TIAM1: variants seen among roughly 807,000 people sequenced by gnomAD.
The protein encoded by TIAM1 is rho guanine nucleotide exchange factor TIAM1.
TIAM1 carries 65 observed loss-of-function variants against 163.5 expected under a neutral mutation model. The ratio of observed to expected loss-of-function variants is 0.40; its 90% CI spans 0.33 to 0.49. The LOEUF (loss-of-function observed/expected upper bound fraction) is 0.49. TIAM1 is among the 20% of genes least tolerant of loss of function. The pLI, the probability that TIAM1 is intolerant of heterozygous loss-of-function variation, is 0.77. For missense variants in TIAM1, 1,789 were observed against 2,044.7 expected (o/e 0.87, Z 2.41); for synonymous variants, 833 against 810.1 (o/e 1.03, Z -0.48).
intron 2 of TIAM1, among the ~76,000 whole-genome samples, chr21:31,421,387 A>C (rs1350533022): frequency 6.6e-6 from 1 of 152,138 alleles, no homozygotes; most frequent in Non-Finnish European, 1.5e-5. Context: ...GACCGATACC[A>C]GTCTATGGCC....
chr21:31,407,503 G>T (rs1426818854), intron 2 of TIAM1, among the ~76,000 whole-genome samples: 3 of 152,090 alleles, frequency 2.0e-5, no homozygotes, highest in Non-Finnish European at 4.4e-5. Flanking sequence ...CTGGTGCTGA[G>T]GTGAGCCACT....
At chr21:31,315,679 C>CAAAAAAAA (rs58560437) in intron 2 of TIAM1, among the ~76,000 whole-genome samples, 11 of 80,242 alleles carry the variant, frequency 1.4e-4, no homozygotes, top group African/African-American at 4.5e-4. Context: ...AACTCCATCT[C>CAAAAAAAA]AAAAAAAAAA....
At chr21:31,155,381 T>C (rs1342841671) in intron 16 of TIAM1, among the ~76,000 whole-genome samples, 2 of 152,250 alleles carry the variant, frequency 1.3e-5, no homozygotes, top group East Asian at 3.8e-4. Context: ...GGGTGGGATA[T>C]GCAGATATCA....
At chr21:31,263,652 A>G (rs1720876064) in intron 4 of TIAM1, among the ~76,000 whole-genome samples, 1 of 152,156 alleles carries the variant, frequency 6.6e-6, no homozygotes, top group Non-Finnish European at 1.5e-5. Flanking sequence ...CCCTAGTGTC[A>G]GAACCACAGA....
At chr21:31,265,326 T>A (rs2072698656) in intron 4 of TIAM1, among the ~76,000 whole-genome samples, 2 of 151,326 alleles carry the variant, frequency 1.3e-5, no homozygotes, top group Admixed American at 1.3e-4. Context: ...CTGAGCATCT[T>A]TATCCCCATT....
At chr21:31,505,871 T>C (rs2047007139) in intron 1 of TIAM1, among the ~76,000 whole-genome samples, 2 of 151,678 alleles carry the variant, frequency 1.3e-5, no homozygotes, top group African/African-American at 2.4e-5. Flanking sequence ...TAGCCGGACG[T>C]GGTGGCGGGT....
At chr21:31,381,956 T>TCCGCC (rs1407214585) in intron 2 of TIAM1, among the ~76,000 whole-genome samples, 23 of 152,182 alleles carry the variant, frequency 1.5e-4, no homozygotes, top group Non-Finnish European at 2.2e-4. Context: ...GTCTTGGACT[T>TCCGCC]CCTCACCTTC....
chr21:31,427,688 G>C (rs1315632118), intron 2 of TIAM1, among the ~76,000 whole-genome samples: 2 of 151,698 alleles, frequency 1.3e-5, no homozygotes, highest in Admixed American at 6.6e-5. Context: ...ATTAAAAATA[G>C]CTAGGTGTGG....
intron 1 of TIAM1, among the ~76,000 whole-genome samples, chr21:31,497,033 G>A (rs565288976): frequency 9.4e-4 from 143 of 152,294 alleles, no homozygotes; most frequent in African/African-American, 3.1e-3. Flanking sequence ...ACAAAAGGTA[G>A]AGTTCAGGCC....
At chr21:31,220,802 C>A (rs966523035) in intron 8 of TIAM1, among the ~76,000 whole-genome samples, 1 of 152,330 alleles carries the variant, frequency 6.6e-6, no homozygotes, top group South Asian at 2.1e-4. Context: ...TCCCAATGAT[C>A]TTTGCCCAGA....
intron 6 of TIAM1, among the ~76,000 whole-genome samples, chr21:31,228,701 G>A (rs942559704): frequency 6.6e-6 from 1 of 152,184 alleles, no homozygotes; most frequent in African/African-American, 2.4e-5. Context: ...TATACTGTAG[G>A]ATTCTATTTA....
At chr21:31,477,756 G>A (rs898485261) in intron 1 of TIAM1, among the ~76,000 whole-genome samples, 2 of 152,122 alleles carry the variant, frequency 1.3e-5, no homozygotes, top group Admixed American at 6.5e-5. Flanking sequence ...TCCTGAAGAT[G>A]AGGACAGAAC....
At chr21:31,315,578 G>A (rs1239479200) in intron 2 of TIAM1, among the ~76,000 whole-genome samples, 1 of 151,144 alleles carries the variant, frequency 6.6e-6, no homozygotes, top group East Asian at 2.0e-4. Context: ...GGGAGACTGA[G>A]GCAGGAGAAT....
chr21:31,165,304 CTT>C (rs1316096650), intron 15 of TIAM1, among the ~76,000 whole-genome samples: 2 of 152,100 alleles, frequency 1.3e-5, no homozygotes, highest in Non-Finnish European at 2.9e-5. Flanking sequence ...GATTGAATGT[CTT>C]TGTCTCCCCC....
At chr21:31,270,244 A>T (rs2072998594) in intron 3 of TIAM1, among the ~76,000 whole-genome samples, 1 of 152,176 alleles carries the variant, frequency 6.6e-6, no homozygotes, top group African/African-American at 2.4e-5. Context: ...ATATCGGTGC[A>T]TTTTAGTAAC....
intron 22 of TIAM1, among the ~76,000 whole-genome samples, chr21:31,136,971 A>C (rs1191939814): frequency 6.6e-6 from 1 of 152,204 alleles, no homozygotes; most frequent in Non-Finnish European, 1.5e-5. Context: ...ATCCCAAGAG[A>C]CCATGAGGTT....
At chr21:31,517,527 C>G (rs1016842636) in intron 1 of TIAM1, among the ~76,000 whole-genome samples, 1 of 152,100 alleles carries the variant, frequency 6.6e-6, no homozygotes, top group Admixed American at 6.6e-5. Context: ...CCACGTAGAT[C>G]TAAGAGAAGA....
intron 2 of TIAM1, among the ~76,000 whole-genome samples, chr21:31,362,177 A>T (rs2147137622): frequency 6.6e-6 from 1 of 151,854 alleles, no homozygotes; most frequent in Admixed American, 6.6e-5. Flanking sequence ...AAAAAAAAAG[A>T]TATACTCTTT....
chr21:31,415,934 C>A (rs2043356924), intron 2 of TIAM1, among the ~76,000 whole-genome samples: 1 of 152,178 alleles, frequency 6.6e-6, no homozygotes, highest in Non-Finnish European at 1.5e-5. Context: ...AACAGACATC[C>A]TGCCTTCTAG....
Sources: allele counts gnomAD v4.1 joint callset (sites outside exome capture counted in the v4.1 genomes callset), GRCh38; gene constraint gnomAD v4.1.1; transcripts MANE v1.5; gene names NCBI Gene and HGNC (gene_info 2026-07-23, HGNC 2026-07-21).